GPR158: variants seen among roughly 807,000 people sequenced by gnomAD.
GPR158 encodes G protein-coupled receptor 158, also known as metabotropic glycine receptor.
A neutral mutation model predicts 78.2 loss-of-function variants in GPR158; 30 were observed. That is an observed-to-expected ratio of 0.38 (90% CI 0.29 to 0.52). The LOEUF is 0.52. Ranked by LOEUF, GPR158 falls within the 20% of genes least tolerant of loss-of-function variation. GPR158 has a pLI of 0.83. For synonymous variants in GPR158, 581 were observed against 591.1 expected (o/e 0.98, Z 0.25); for missense variants, 1,463 against 1,523.5 (o/e 0.96, Z 0.66).
At chr10:25,185,939 A>G (rs148638090) in intron 1 of GPR158, among the ~76,000 whole-genome samples, 5,486 of 152,254 alleles carry the variant, frequency 0.036, 307 homozygotes, top group African/African-American at 0.12. Context: ...TCAGCACATC[A>G]CACTTATTCC....
chr10:25,221,939 G>A (rs571185991), intron 2 of GPR158, among the ~76,000 whole-genome samples: 3 of 151,996 alleles, frequency 2.0e-5, no homozygotes, highest in Non-Finnish European at 2.9e-5. Context: ...TAAAATAGAG[G>A]GGATATTTCC....
chr10:25,412,237 T>C lies in GPR158; in HGVS notation c.1112-13T>C, dbSNP rs1323397513. 6.3e-7 allele frequency: 1 copy of C among 1,598,860 alleles called. No homozygotes were observed. Among genetic ancestry groups the C allele is most frequent in the South Asian group, 1.1e-5 (1 of 90,728 alleles). ...GGTGCAAATGACACTGTGGTTTTATTTGGAACTTTCAGGAAGGGGTCCGGA... is the reference window on the plus strand; with the variant it reads ...GGTGCAAATGACACTGTGGTTTTATCTGGAACTTTCAGGAAGGGGTCCGGA... On this transcript the variant is annotated splice_polypyrimidine_tract_variant and intron_variant, in intron 3 of 10. Coordinates refer to ENST00000376351, the MANE Select transcript of GPR158 (RefSeq NM_020752.3).
chr10:25,302,393 T>C (rs1854612436), intron 2 of GPR158, among the ~76,000 whole-genome samples: 1 of 152,132 alleles, frequency 6.6e-6, no homozygotes, highest in Non-Finnish European at 1.5e-5. Flanking sequence ...CATTTGTTCC[T>C]TTTTATTGCT....
intron 2 of GPR158, among the ~76,000 whole-genome samples, chr10:25,249,288 T>C (rs1853753824): frequency 6.6e-6 from 1 of 152,180 alleles, no homozygotes; most frequent in Non-Finnish European, 1.5e-5. Flanking sequence ...CTTTTCCTAA[T>C]TGAATACCCT....
intron 1 of GPR158, among the ~76,000 whole-genome samples, chr10:25,191,609 A>G (rs1852772472): frequency 6.6e-6 from 1 of 151,716 alleles, no homozygotes; most frequent in African/African-American, 2.4e-5. Context: ...ACATATAAAC[A>G]TGTCATAGAA....
At chr10:25,208,272 T>A (rs1853073719) in intron 1 of GPR158, among the ~76,000 whole-genome samples, 1 of 152,230 alleles carries the variant, frequency 6.6e-6, no homozygotes, top group African/African-American at 2.4e-5. Flanking sequence ...TTTTCCTGAT[T>A]TTACTTTAAT....
chr10:25,596,972 TA>T (rs1246885943), intron 10 of GPR158, among the ~76,000 whole-genome samples, 183 bp downstream of exon 10: 1 of 152,210 alleles, frequency 6.6e-6, no homozygotes, highest in Admixed American at 6.5e-5. Context: ...AATCCAGTTC[TA>T]AAATATATGA....
chr10:25,510,439 A>C (rs1207440770), intron 5 of GPR158, among the ~76,000 whole-genome samples: 2 of 152,232 alleles, frequency 1.3e-5, no homozygotes, highest in East Asian at 3.8e-4. Flanking sequence ...TGATACGTAA[A>C]TGAGTACAAA....
At chr10:25,356,129 CAG>C (rs375371008) in intron 2 of GPR158, among the ~76,000 whole-genome samples, 15 of 152,158 alleles carry the variant, frequency 9.9e-5, no homozygotes, top group African/African-American at 3.6e-4. Flanking sequence ...AACTACAAAT[CAG>C]GGGAAAATTT....
At chr10:25,594,783 T>G (rs187127240) in intron 9 of GPR158, among the ~76,000 whole-genome samples, 1 of 152,312 alleles carries the variant, frequency 6.6e-6, no homozygotes, top group East Asian at 1.9e-4. Flanking sequence ...AATAATTTTT[T>G]ATGTATATAG....
chr10:25,347,306 C>T (rs1426767655), intron 2 of GPR158, among the ~76,000 whole-genome samples: 2 of 151,992 alleles, frequency 1.3e-5, no homozygotes, highest in Non-Finnish European at 1.5e-5. Flanking sequence ...TTTGTACTCA[C>T]ATCTCTTTCT....
At chr10:25,413,854 C>CA (rs1391940716) in intron 4 of GPR158, among the ~76,000 whole-genome samples, 3 of 152,174 alleles carry the variant, frequency 2.0e-5, no homozygotes, top group Non-Finnish European at 4.4e-5. Context: ...CAAGTAAGTG[C>CA]AGACAGGCAG....
rs1488186527 is a variant in GPR158, at chr10:25,517,648, A to G, written c.1405-33328A>G. ...AGATAATCATGTGGTTTTTGTCTTT[A>G]GTTCTGTTTATATGCTGGATTACAT... On this transcript the variant is annotated intron_variant, in intron 5 of 10. Coordinates refer to ENST00000376351, the MANE Select transcript of GPR158 (RefSeq NM_020752.3). Among the ~76,000 whole-genome samples the G allele has an allele frequency of 1.2e-4, 19 of 152,034 alleles. No homozygotes were observed. In the South Asian group the frequency reaches 2.5e-3, roughly 20 times the overall value.
intron 1 of GPR158, among the ~76,000 whole-genome samples, chr10:25,177,803 G>A (rs950660330): frequency 1.3e-5 from 2 of 152,198 alleles, no homozygotes; most frequent in African/African-American, 4.8e-5. Context: ...TTAAGTGCAT[G>A]TGTGTGTGTC....
intron 1 of GPR158, among the ~76,000 whole-genome samples, chr10:25,207,765 T>C (rs1476574837): frequency 6.6e-6 from 1 of 152,204 alleles, no homozygotes; most frequent in Non-Finnish European, 1.5e-5. Flanking sequence ...GTTGACTTTA[T>C]ATGATTCTAC....
Position 25,252,002 on chromosome 10 carries a change from T to A in GPR158, c.1008+30845T>A, listed in dbSNP as rs1465748327. ...ACATAGTCCCATATTTCTTGGAGGC[T>A]TTGCTCATTTCTTTTTATTCTTTTT... On this transcript the variant is annotated intron_variant, in intron 2 of 10. Transcript: ENST00000376351. 2.0e-5 allele frequency among the ~76,000 whole-genome samples: 3 copies of A among 151,756 alleles called. No individual in the cohort carries two copies. In the East Asian group the frequency reaches 5.8e-4, roughly 29 times the overall value.
At chr10:25,578,358 T>G (rs1837134647) in intron 7 of GPR158, among the ~76,000 whole-genome samples, 1 of 152,242 alleles carries the variant, frequency 6.6e-6, no homozygotes, top group Non-Finnish European at 1.5e-5. Flanking sequence ...TGTCTTTATC[T>G]TGTGATATTT....
chr10:25,259,474 G>T (rs570983722), intron 2 of GPR158, among the ~76,000 whole-genome samples: 1 of 152,174 alleles, frequency 6.6e-6, no homozygotes, highest in East Asian at 1.9e-4. Context: ...TGTTTCAGTT[G>T]TTGTGGTATC....
rs560323034 is a variant in GPR158 at position 25,269,680 on chromosome 10, A to G, written c.1008+48523A>G. On this transcript the variant is annotated intron_variant, in intron 2 of 10. Transcript: ENST00000376351. Reference sequence around the variant, plus strand: ...ACGTAAACTTTATATGAGTTAAACCATTTAGCTCTCACTGCAACCATGTAA... The same window carrying G: ...ACGTAAACTTTATATGAGTTAAACCGTTTAGCTCTCACTGCAACCATGTAA... Among the ~76,000 whole-genome samples the G allele has an allele frequency of 2.0e-5, 3 of 152,284 alleles. No individual in the cohort carries two copies. In the South Asian group the frequency reaches 6.2e-4, roughly 32 times the overall value.
Sources: gnomAD v4.1 joint callset for allele counts (sites outside exome capture counted in the v4.1 genomes callset) on GRCh38, gnomAD v4.1.1 for gene constraint, MANE v1.5 for transcripts, NCBI Gene and HGNC (gene_info 2026-07-23, HGNC 2026-07-21) for gene names.